TOGARAM2: variants seen among roughly 807,000 people sequenced by gnomAD.
The protein encoded by TOGARAM2 is TOG array regulator of axonemal microtubules protein 2.
Under a neutral mutation model 93.3 loss-of-function variants are expected in TOGARAM2, and 85 were observed. That is an observed-to-expected ratio of 0.91 (90% CI 0.76 to 1.09). TOGARAM2 has a LOEUF of 1.09. TOGARAM2 is among the 50% of genes least tolerant of loss of function. TOGARAM2 has a pLI of 0.00. For synonymous variants in TOGARAM2, 593 were observed against 552.8 expected (o/e 1.07, Z -1.02); for missense variants, 1,277 against 1,334.5 (o/e 0.96, Z 0.67).
chr2:29,034,854 TA>T (rs1370568530), intron 16 of TOGARAM2, among the ~76,000 whole-genome samples: 6 of 152,110 alleles, frequency 3.9e-5, no homozygotes, highest in African/African-American at 1.4e-4. Flanking sequence ...ACTCTTACAT[TA>T]AATGTGCACC....
At chr2:28,990,705 C>A (rs1252165695) in intron 1 of TOGARAM2, among the ~76,000 whole-genome samples, 1 of 152,130 alleles carries the variant, frequency 6.6e-6, no homozygotes, top group Non-Finnish European at 1.5e-5. Flanking sequence ...GTGCTCATCT[C>A]TGTAGCAGGG....
At position 29,002,691 on chromosome 2, in the gene TOGARAM2, C is replaced by A. The variant is rs1177069338; in HGVS notation, c.583C>A (p.Leu195Met). 2 of 1,613,910 alleles carry A rather than the reference C, an allele frequency of 1.2e-6. No homozygotes were observed. Among genetic ancestry groups the A allele is most frequent in the East Asian group, 2.2e-5 (1 of 44,890 alleles). The change falls in exon 5 of 20, where the codon CTG becomes ATG. Residue 195 changes from leucine to methionine, a missense_variant. Coordinates refer to ENST00000379558, the MANE Select transcript of TOGARAM2 (RefSeq NM_199280.4). ...GGCCAGCGGAGTCAAAGAGAAGGGC[C>A]TGGACCTACCGGGGAGCATTCCGGG... ...PEASGVKEKG[L>M]DLPGSIPGPH...
intron 16 of TOGARAM2, among the ~76,000 whole-genome samples, chr2:29,035,143 T>C (rs1666006563): frequency 8.1e-6 from 1 of 123,468 alleles, no homozygotes; most frequent in African/African-American, 3.2e-5. Context: ...AGAGCGAGAC[T>C]CTGCCTCAAA....
intron 1 of TOGARAM2, among the ~76,000 whole-genome samples, chr2:28,965,703 G>A (rs992111127): frequency 3.3e-5 from 5 of 152,140 alleles, no homozygotes; most frequent in African/African-American, 1.2e-4. Context: ...TGTTTTTTAA[G>A]CAAAGGCTTT....
rs769212350 is a variant in TOGARAM2 at position 28,999,166 on chromosome 2, C to T, written c.140-15C>T. 23 of 1,601,524 alleles carry T rather than the reference C, an allele frequency of 1.4e-5. No homozygotes were observed. On this transcript the variant is annotated splice_polypyrimidine_tract_variant and intron_variant, in intron 3 of 19. Coordinates refer to ENST00000379558, the MANE Select transcript of TOGARAM2 (RefSeq NM_199280.4). ...GTACTGCGTGCCAAGCCATTCACAC[C>T]TCTGTCCCCCTCAGGTTCTCTCCAG... is the stretch of plus-strand genomic sequence containing the variant.
chr2:28,960,135 T>C (rs893895848), intron 1 of TOGARAM2, among the ~76,000 whole-genome samples: 6 of 152,240 alleles, frequency 3.9e-5, no homozygotes, highest in Admixed American at 6.5e-5. Flanking sequence ...AATGTCATTA[T>C]GCAGTCCATG....
chr2:29,000,493 A>G (rs993835721), intron 4 of TOGARAM2, among the ~76,000 whole-genome samples: 1 of 152,206 alleles, frequency 6.6e-6, no homozygotes, highest in Non-Finnish European at 1.5e-5. Flanking sequence ...CACCTGGCAT[A>G]TGGGAAGAAC....
chr2:29,022,068 C>A, intron 10 of TOGARAM2, 90 bp from the exon 11 acceptor site: 1 of 1,558,990 alleles, frequency 6.4e-7, no homozygotes. Flanking sequence ...GGTGGCACGG[C>A]CTCCCATGGT....
At chr2:29,032,694 G>A (rs1428053854) in intron 14 of TOGARAM2, 1 of 446,592 alleles carries the variant, frequency 2.2e-6, no homozygotes, top group African/African-American at 2.0e-5. Context: ...GAAAGTAAAT[G>A]CCACAGAAAA....
intron 6 of TOGARAM2, among the ~76,000 whole-genome samples, chr2:29,005,347 ATGTG>A (rs1558422313): frequency 3.9e-5 from 1 of 25,496 alleles, no homozygotes; most frequent in South Asian, 1.6e-3. Context: ...GTGTGTGTGC[ATGTG>A]TGGAGCGTAT....
upstream of TOGARAM2, among the ~76,000 whole-genome samples, chr2:28,977,440 A>T (rs534115505): frequency 2.6e-5 from 4 of 152,218 alleles, no homozygotes; most frequent in East Asian, 7.7e-4. Flanking sequence ...TAAGGGGGCA[A>T]CACCAGCCCA....
chr2:28,964,741 T>A (rs1340743373), intron 1 of TOGARAM2, among the ~76,000 whole-genome samples: 1 of 149,766 alleles, frequency 6.7e-6, no homozygotes, highest in Admixed American at 6.7e-5. Context: ...CATGTGGTGG[T>A]TGGTTTTCTG....
chr2:29,022,018 C>T lies in TOGARAM2; in HGVS notation c.1361-140C>T, dbSNP rs553979425. Reference sequence around the variant, plus strand: ...GCTGGGTTCTTAGCCTCACCAGGCACTTCCACTTGTACACCCTCCCTGTTA... The same window carrying T: ...GCTGGGTTCTTAGCCTCACCAGGCATTTCCACTTGTACACCCTCCCTGTTA... On this transcript the variant is annotated intron_variant, in intron 10 of 19. Coordinates refer to ENST00000379558, the MANE Select transcript of TOGARAM2 (RefSeq NM_199280.4). 8.0e-6 allele frequency: 9 copies of T among 1,118,470 alleles called. No homozygotes were observed. The South Asian group carries it at 8.6e-5, about 11-fold the overall frequency. The allele number at this position is 1,118,470 out of a possible 1,614,324, so 69.3% of individuals were successfully genotyped here. A position where few individuals can be genotyped will look rare whatever the true frequency, so the allele number is the denominator to read the frequency against.
At position 28,999,543 on chromosome 2, in the gene TOGARAM2, G is replaced by C. The variant is rs1558414669; in HGVS notation, c.427+75G>C. 4 of 1,465,506 alleles carry C rather than the reference G, an allele frequency of 2.7e-6. No homozygotes were observed. In the East Asian group the frequency reaches 9.7e-5, roughly 36 times the overall value. 90.8% of individuals were successfully genotyped at this position (1,465,506 alleles called of 1,614,324 possible). A position where few individuals can be genotyped will look rare whatever the true frequency, so the allele number is the denominator to read the frequency against. ...GGCCGCAGGCCTCCAGGGCTGTGAG[G>C]GTCAGCAGGCTTCCAGGTGGCATGC... On this transcript the variant is annotated intron_variant, in intron 4 of 19. Coordinates refer to ENST00000379558, the MANE Select transcript of TOGARAM2 (RefSeq NM_199280.4).
chr2:29,045,117 G>A (rs930410021), intron 18 of TOGARAM2, among the ~76,000 whole-genome samples: 1 of 152,202 alleles, frequency 6.6e-6, no homozygotes, highest in Admixed American at 6.5e-5. Context: ...TTGGGAGCCA[G>A]TTTAACTCTT....
At chr2:28,958,452 T>A (rs1671756663) in intron 1 of TOGARAM2, among the ~76,000 whole-genome samples, 1 of 152,094 alleles carries the variant, frequency 6.6e-6, no homozygotes. Context: ...ACTATGGGCA[T>A]GCACCACCAT....
Position 28,959,419 on chromosome 2 carries a change from T to A in TOGARAM2, c.-147+2722T>A, listed in dbSNP as rs990289720. On this transcript the variant is annotated intron_variant, in intron 1 of 6. Coordinates refer to the TOGARAM2 transcript ENST00000401723. ...GAGAAGAATATGGTTTTTCACTTCTTTTCCCAACTTAGGAAAATTTCAAAT... is the reference window on the plus strand; with the variant it reads ...GAGAAGAATATGGTTTTTCACTTCTATTCCCAACTTAGGAAAATTTCAAAT... Among the ~76,000 whole-genome samples, 15 of 152,280 alleles carry A rather than the reference T, an allele frequency of 9.9e-5. No homozygotes were observed. The East Asian group carries it at 1.7e-3, about 18-fold the overall frequency.
At chr2:29,039,504 T>G (rs1034664036) in intron 18 of TOGARAM2, among the ~76,000 whole-genome samples, 9 of 152,206 alleles carry the variant, frequency 5.9e-5, no homozygotes, top group African/African-American at 1.9e-4. Flanking sequence ...TAGAACTCAC[T>G]AATTCTAGAA....
intron 16 of TOGARAM2, among the ~76,000 whole-genome samples, chr2:29,033,986 G>C (rs76644325): frequency 2.0e-5 from 3 of 152,120 alleles, no homozygotes; most frequent in South Asian, 2.1e-4. Context: ...GCTGGGAGGA[G>C]GGGGTGTGGG....
Sources: gnomAD v4.1 joint callset for allele counts (sites outside exome capture counted in the v4.1 genomes callset) on GRCh38, gnomAD v4.1.1 for gene constraint, MANE v1.5 for transcripts, NCBI Gene and HGNC (gene_info 2026-07-23, HGNC 2026-07-21) for gene names.